Variants in ACACB observed in about 807,000 individuals in gnomAD.
ACACB encodes the protein acetyl-CoA carboxylase 2.
In ACACB, 209 loss-of-function variants were observed where a neutral mutation model predicts 278.8. That is an observed-to-expected ratio of 0.75 (90% CI 0.67 to 0.84). ACACB has a LOEUF of 0.84. Ranked by LOEUF, ACACB falls within the 40% of genes least tolerant of loss-of-function variation. ACACB has a pLI of 0.00. For synonymous variants in ACACB, 1,174 were observed against 1,285.6 expected (o/e 0.91, Z 1.86); for missense variants, 2,850 against 3,269.0 (o/e 0.87, Z 3.13).
intron 17 of ACACB, among the ~76,000 whole-genome samples, chr12:109,197,898 C>CT (rs898501527): frequency 2.0e-5 from 3 of 151,970 alleles, no homozygotes; most frequent in African/African-American, 7.2e-5. Context: ...TTGTTATCTC[C>CT]TTTTTTTTCT....
At chr12:109,171,778 T>C (rs1445212581) in intron 4 of ACACB, 27 bp from the exon 5 acceptor site, 2 of 1,572,340 alleles carry the variant, frequency 1.3e-6, no homozygotes, top group African/African-American at 2.7e-5. Flanking sequence ...CAGCAGTTCC[T>C]TCCTTCTCCC....
chr12:109,256,059 A>T (rs1006914066), intron 44 of ACACB, 81 bp from the exon 45 acceptor site: 8 of 1,061,036 alleles, frequency 7.5e-6, no homozygotes, highest in Non-Finnish European at 1.2e-5. Flanking sequence ...GTCCTTAGGG[A>T]GCTTTTGCAC....
intron 22 of ACACB, 102 bp downstream of exon 22, chr12:109,213,038 TGAGA>T: frequency 1.0e-6 from 1 of 955,226 alleles, no homozygotes; most frequent in Non-Finnish European, 1.7e-6. Flanking sequence ...AGGCTTGAAC[TGAGA>T]GAAAGTGTGT....
intron 34 of ACACB, 102 bp from the exon 35 acceptor site, chr12:109,239,728 T>C: frequency 1.5e-6 from 2 of 1,333,052 alleles, no homozygotes; most frequent in Non-Finnish European, 2.0e-6. Flanking sequence ...AGGAGGGGAA[T>C]GTTTTCCTCC....
intron 2 of ACACB, among the ~76,000 whole-genome samples, chr12:109,163,583 T>C (rs1172332380): frequency 6.6e-6 from 1 of 151,920 alleles, no homozygotes; most frequent in Non-Finnish European, 1.5e-5. Context: ...ATCCAGATAA[T>C]AGGACTTCGG....
chr12:109,216,408 G>A (rs34696463), intron 22 of ACACB, among the ~76,000 whole-genome samples: 36,534 of 151,322 alleles, frequency 0.24, 4,663 homozygotes, highest in East Asian at 0.34. Flanking sequence ...TTTTAGTAGA[G>A]ACAGGGTTTC....
At chr12:109,228,919 C>T (rs149102609) in intron 28 of ACACB, among the ~76,000 whole-genome samples, 1 of 152,156 alleles carries the variant, frequency 6.6e-6, no homozygotes, top group African/African-American at 2.4e-5. Flanking sequence ...AGTGGCATGC[C>T]ATTGGCCTGG....
chr12:109,245,879 A>C (rs2046928333), intron 38 of ACACB, 131 bp downstream of exon 38: 1 of 1,179,660 alleles, frequency 8.5e-7, no homozygotes, highest in African/African-American at 1.5e-5. Flanking sequence ...ACTTGAGGTC[A>C]GAAGTTCAAG....
Position 109,233,830 on chromosome 12 carries a change from T to G in ACACB, c.4222T>G (p.Ser1408Ala). 6.2e-7 allele frequency: 1 copy of G among 1,614,064 alleles called. No homozygotes were observed. The highest frequency in any genetic ancestry group is 8.5e-7 in the Non-Finnish European group (1 of 1,180,012). The change falls in exon 30 of 53, where the codon TCC becomes GCC. Residue 1408 changes from serine to alanine, a missense_variant. Ser to Ala is a moderately conservative substitution (Grantham distance 99). Coordinates refer to ENST00000338432, the MANE Select transcript of ACACB (RefSeq NM_001093.4). ...CAGCGAGGCCCGCACCTCCCTATAC[T>G]CCGAGGATGACTGCAAGGTAAGCGT... Reference protein sequence around the residue: ...LFSEARTSLYSEDDCKSLREE... With the variant: ...LFSEARTSLYAEDDCKSLREE...
At chr12:109,264,071 A>G in intron 49 of ACACB, 161 bp from the exon 50 acceptor site, 1 of 860,872 alleles carries the variant, frequency 1.2e-6, no homozygotes, top group Non-Finnish European at 1.8e-6. Context: ...CAGCCTGTGT[A>G]GCAGCAGGGG....
At position 109,233,982 on chromosome 12, in the gene ACACB, G is replaced by C. The variant is rs777908450; in HGVS notation, c.4284G>C (p.Gln1428His). 2 of 1,614,042 alleles carry C rather than the reference G, an allele frequency of 1.2e-6. No individual in the cohort carries two copies. The highest frequency in any genetic ancestry group is 2.2e-5 in the South Asian group (2 of 91,062). Residue 1428 changes from glutamine to histidine, a missense_variant, in exon 31 of 53, where the codon CAG (glutamine) becomes CAC (histidine). Physicochemically the swap from Gln to His is conservative, Grantham distance 24. Coordinates refer to ENST00000338432, the MANE Select transcript of ACACB (RefSeq NM_001093.4). ...TCCACATTCTGAATGTGTCCATCCA[G>C]TGTGCAGACCACCTGGAGGATGAGG... ...EPIHILNVSI[Q>H]CADHLEDEAL... is the part of the protein sequence containing the mutation.
intron 37 of ACACB, among the ~76,000 whole-genome samples, chr12:109,243,585 C>G (rs1038720531): frequency 6.6e-6 from 1 of 151,788 alleles, no homozygotes; most frequent in Non-Finnish European, 1.5e-5. Flanking sequence ...GGTGACAGAG[C>G]GAGACTCTGT....
rs768131062 is a variant in ACACB, at chr12:109,242,468, G to A, written c.5054G>A (p.Gly1685Glu). 6.2e-7 allele frequency: 1 copy of A among 1,613,816 alleles called. No individual in the cohort carries two copies. The highest frequency in any genetic ancestry group is 8.5e-7 in the Non-Finnish European group (1 of 1,179,852). The stretch of plus-strand genomic sequence containing the variant: ...TTTCACTCCTTCGGCAACAAGCAAG[G>A]GCCCCAGCACGGGATGCTGATCAAT... ...IMFHSFGNKQGPQHGMLINTP... is the reference protein window; with the variant it reads ...IMFHSFGNKQEPQHGMLINTP... The change falls in exon 37 of 53, where the codon GGG becomes GAG. Residue 1685 changes from glycine to glutamate, a missense_variant. Around this residue, in one of 3 missense-constraint regions of ACACB, gnomAD observed 2,265 missense variants for 2,561.3 expected, o/e 0.88. Transcript: ENST00000338432.
At chr12:109,128,360 G>A (rs902478041) in intron 1 of ACACB, among the ~76,000 whole-genome samples, 2 of 151,280 alleles carry the variant, frequency 1.3e-5, no homozygotes, top group Non-Finnish European at 2.9e-5. Context: ...TTTTTTAGAC[G>A]GAGTTTCACT....
At chr12:109,218,439 G>A (rs901665378) in intron 24 of ACACB, among the ~76,000 whole-genome samples, 8 of 152,098 alleles carry the variant, frequency 5.3e-5, no homozygotes, top group Admixed American at 3.3e-4. Flanking sequence ...TCCCAGTCTT[G>A]TCTCGAACTC....
intron 2 of ACACB, among the ~76,000 whole-genome samples, chr12:109,164,302 G>A (rs909074089): frequency 9.9e-5 from 15 of 152,080 alleles, no homozygotes; most frequent in Non-Finnish European, 7.4e-5. Context: ...GCGCGATCTC[G>A]GCTTACTGCA....
chr12:109,204,918 C>T (rs545569277), intron 19 of ACACB, among the ~76,000 whole-genome samples: 1 of 152,248 alleles, frequency 6.6e-6, no homozygotes, highest in East Asian at 1.9e-4. Context: ...ACAATCTCAG[C>T]TCACTGCAAC....
intron 20 of ACACB, among the ~76,000 whole-genome samples, chr12:109,207,608 G>A (rs767532342): frequency 1.3e-5 from 2 of 152,206 alleles, no homozygotes; most frequent in African/African-American, 2.4e-5. Context: ...TACCGGGTCC[G>A]TCTCAGGAGA....
intron 24 of ACACB, among the ~76,000 whole-genome samples, chr12:109,218,666 T>G (rs2046075111): frequency 6.6e-6 from 1 of 151,632 alleles, no homozygotes. Flanking sequence ...TTTTTTTTTT[T>G]TTTTTGAGAT....
Sources: gnomAD v4.1 joint callset for allele counts (sites outside exome capture counted in the v4.1 genomes callset) on GRCh38, gnomAD v4.1.1 for gene constraint, gnomAD v4.1.1 regional missense constraint, MANE v1.5 for transcripts, NCBI Gene and HGNC (gene_info 2026-07-23, HGNC 2026-07-21) for gene names.